The following GAA variants were observed in gnomAD, a reference collection of about 807,000 sequenced individuals.
GAA encodes alpha glucosidase.
Under a neutral mutation model 103.9 loss-of-function variants are expected in GAA, and 88 were observed. That is an observed-to-expected ratio of 0.85 (90% CI 0.71 to 1.01). The LOEUF (loss-of-function observed/expected upper bound fraction) is 1.01, where lower values mean the gene tolerates loss of function less well. GAA is among the 50% of genes least tolerant of loss of function. The pLI is 0.00. For missense variants in GAA, 1,350 were observed against 1,305.3 expected (o/e 1.03, Z -0.53); for synonymous variants, 572 against 563.1 (o/e 1.02, Z -0.22).
At chr17:80,118,078 G>C in intron 17 of GAA, 115 bp from the exon 18 acceptor site, 1 of 1,233,090 alleles carries the variant, frequency 8.1e-7, no homozygotes, top group South Asian at 1.4e-5. Context: ...AGGTGTTCCT[G>C]CAGATCCTAG....
In GAA at chr17:80,104,977, C is replaced by A. The variant is rs1224933249; in HGVS notation, c.391C>A (p.Pro131Thr). The stretch of plus-strand genomic sequence containing the variant: ...GGGGCAGCCCTGGTGCTTCTTCCCA[C>A]CCAGCTACCCCAGCTACAAGCTGGA... ...QMGQPWCFFP[P>T]SYPSYKLENL... is the part of the protein sequence containing the mutation. The change falls in exon 2 of 20, where the codon CCC (proline) becomes ACC (threonine). Residue 131 changes from proline to threonine, a missense_variant. Coordinates refer to ENST00000302262, the MANE Select transcript of GAA (RefSeq NM_000152.5). This position sits in a 1 kb window ranked among gnomAD's most constrained non-coding sequence, Gnocchi z 4.0. 2 of 1,612,714 alleles carry A rather than the reference C, an allele frequency of 1.2e-6. No homozygotes were observed. The highest frequency in any genetic ancestry group is 2.2e-5 in the South Asian group (2 of 91,048).
In GAA at chr17:80,111,966, G is replaced by GC. The variant is rs1277291394; in HGVS notation, c.1637-12dup. On this transcript the variant is annotated splice_polypyrimidine_tract_variant and intron_variant, in intron 11 of 19. Transcript: ENST00000302262. ...CCGGGAGGAAGCTCCCTGGAAACCA[G>GC]CCCCCGCCTCTTCCAGGGGTGGTTG... 1 of 1,606,098 alleles carries GC rather than the reference G, an allele frequency of 6.2e-7. No individual in the cohort carries two copies. Among genetic ancestry groups the GC allele is most frequent in the Admixed American group, 1.7e-5 (1 of 59,992 alleles).
intron 16 of GAA, 41 bp from the exon 17 acceptor site, chr17:80,117,559 T>TA (rs1412590344): frequency 3.1e-6 from 5 of 1,611,530 alleles, no homozygotes; most frequent in Non-Finnish European, 4.2e-6. Flanking sequence ...CATGGGGGCC[T>TA]CGGCACGGCC....
intron 12 of GAA, 131 bp from the exon 13 acceptor site, chr17:80,112,447 C>A: frequency 8.6e-7 from 1 of 1,165,442 alleles, no homozygotes; most frequent in Non-Finnish European, 1.2e-6. Context: ...TGGGCAGTAG[C>A]CTCGCCGTCC....
In GAA at chr17:80,104,651, C is replaced by T. The variant is rs773089240; in HGVS notation, c.65C>T (p.Ala22Val). 3.1e-6 allele frequency: 5 copies of T among 1,613,284 alleles called. No homozygotes were observed. The South Asian group carries it at 4.4e-5, about 14-fold the overall frequency. ...LLAVCALVSL[A>V]TAALLGHILL... Reference sequence around the variant, plus strand: ...GCCGTCTGCGCCCTCGTGTCCTTGGCAACCGCTGCACTCCTGGGGCACATC... The same window carrying T: ...GCCGTCTGCGCCCTCGTGTCCTTGGTAACCGCTGCACTCCTGGGGCACATC... The change falls in exon 2 of 20, where the codon GCA becomes GTA. Residue 22 changes from alanine to valine, a missense_variant. Physicochemically the swap from Ala to Val is moderately conservative, Grantham distance 64. Transcript: ENST00000302262. The surrounding 1 kb of genome is among the most constrained non-coding windows in gnomAD (Gnocchi z 4.0).
chr17:80,112,658 A>G lies in GAA; in HGVS notation c.1835A>G (p.His612Arg), dbSNP rs760546238. The G allele has an allele frequency of 6.2e-7, 1 of 1,612,658 alleles. No homozygotes were observed. Among genetic ancestry groups the G allele is most frequent in the South Asian group, 1.1e-5 (1 of 91,004 alleles). ...GCTGGCCACGGCCGATACGCCGGCCACTGGACGGGGGACGTGTGGAGCTCC... is the reference window on the plus strand; with the variant it reads ...GCTGGCCACGGCCGATACGCCGGCCGCTGGACGGGGGACGTGTGGAGCTCC... ...TFAGHGRYAG[H>R]WTGDVWSSWE... is the part of the protein sequence containing the mutation. The change falls in exon 13 of 20, where the codon CAC becomes CGC. Residue 612 changes from histidine to arginine, a missense_variant. Transcript: ENST00000302262.
At chr17:80,116,908 A>G (rs1458786946) in intron 15 of GAA, 60 bp from the exon 16 acceptor site, 1 of 1,601,490 alleles carries the variant, frequency 6.2e-7, no homozygotes, top group Non-Finnish European at 8.5e-7. Context: ...CAGGGTGGGC[A>G]TATGAGCCAG....
rs371405931 is a variant in GAA, at chr17:80,105,135, G to A, written c.546+3G>A. Reference sequence around the variant, plus strand: ...CTGAGAACCGCCTCCACTTCACGGTGGGCAGGGCAGGGGCGGGGGCGGCGG... The same window carrying A: ...CTGAGAACCGCCTCCACTTCACGGTAGGCAGGGCAGGGGCGGGGGCGGCGG... On this transcript the variant is annotated splice_donor_region_variant and intron_variant, in intron 2 of 19. Coordinates refer to ENST00000302262, the MANE Select transcript of GAA (RefSeq NM_000152.5). 233 of 1,602,434 alleles carry A rather than the reference G, an allele frequency of 1.5e-4. No individual in the cohort carries two copies. Among genetic ancestry groups the A allele is most frequent in the Non-Finnish European group, 1.8e-4 (217 of 1,176,540 alleles).
At chr17:80,112,174 C>T (rs569609292) in intron 12 of GAA, 74 bp downstream of exon 12, 1 of 1,445,250 alleles carries the variant, frequency 6.9e-7, no homozygotes, top group East Asian at 2.3e-5. Context: ...TCTGCAGGGC[C>T]TCAGGGAGGA....
chr17:80,102,826 G>T (rs1041516719), intron 1 of GAA: 1 of 152,242 alleles, frequency 6.6e-6, no homozygotes. Context: ...GACAACCTGG[G>T]ATTTGCCATT....
At chr17:80,117,993 G>A (rs532688859) in intron 17 of GAA, among the ~76,000 whole-genome samples, 200 bp from the exon 18 acceptor site, 6 of 152,304 alleles carry the variant, frequency 3.9e-5, no homozygotes, top group East Asian at 1.9e-4. Context: ...GCCCGGCCTC[G>A]GGCAGCCGTG....
chr17:80,111,952 C>T, intron 11 of GAA, 31 bp from the exon 12 acceptor site: 2 of 1,588,900 alleles, frequency 1.3e-6, no homozygotes, highest in Non-Finnish European at 1.7e-6. Context: ...CGGGAGGAAG[C>T]TCCCTGGAAA....
intron 15 of GAA, among the ~76,000 whole-genome samples, chr17:80,116,656 T>G (rs528873318): frequency 1.3e-5 from 2 of 152,232 alleles, no homozygotes; most frequent in African/African-American, 4.8e-5. Context: ...CTGCCTTGGT[T>G]ACCGGAGGAT....
At chr17:80,112,513 C>T in intron 12 of GAA, 65 bp from the exon 13 acceptor site, 1 of 1,598,412 alleles carries the variant, frequency 6.3e-7, no homozygotes, top group East Asian at 2.2e-5. Context: ...CTCTGCCCTG[C>T]TGGTGACAGG....
At position 80,104,795 on chromosome 17, in the gene GAA, C is replaced by A. The variant is rs775376321; in HGVS notation, c.209C>A (p.Ala70Glu). The change falls in exon 2 of 20, where the codon GCA becomes GAA. Residue 70 changes from alanine to glutamate, a missense_variant. By Grantham distance (107) the Ala-to-Glu change is moderately radical. Coordinates refer to ENST00000302262, the MANE Select transcript of GAA (RefSeq NM_000152.5). This position sits in a 1 kb window ranked among gnomAD's most constrained non-coding sequence, Gnocchi z 4.0. ...AGACCAGGGCCCCGGGATGCCCAGG[C>A]ACACCCCGGCCGTCCCAGAGCAGTG... is the stretch of plus-strand genomic sequence containing the variant. ...ASRPGPRDAQ[A>E]HPGRPRAVPT... The A allele has an allele frequency of 8.1e-6, 13 of 1,611,856 alleles. No individual in the cohort carries two copies. In the South Asian group the frequency reaches 1.3e-4, roughly 16 times the overall value.
intron 15 of GAA, among the ~76,000 whole-genome samples, chr17:80,114,963 C>T (rs1567837684): frequency 6.6e-6 from 1 of 152,212 alleles, no homozygotes; most frequent in Non-Finnish European, 1.5e-5. Context: ...AGCCCATGGC[C>T]TCCGTGGTTT....
Position 80,107,653 on chromosome 17 carries a change from C to T in GAA, c.789C>T (p.His263=), listed in dbSNP as rs1336545018. Residue 263 remains histidine (H), a synonymous_variant, in exon 4 of 20, where the codon CAC becomes CAT. Coordinates refer to ENST00000302262, the MANE Select transcript of GAA (RefSeq NM_000152.5). ...PSQYITGLAE[H]LSPLMLSTSW... ...AGTATATCACAGGCCTCGCCGAGCA[C>T]CTCAGTCCCCTGATGCTCAGCACCA... 9 of 1,613,134 alleles carry T rather than the reference C, an allele frequency of 5.6e-6. No individual in the cohort carries two copies. The highest frequency in any genetic ancestry group is 6.8e-6 in the Non-Finnish European group (8 of 1,179,910).
intron 8 of GAA, among the ~76,000 whole-genome samples, chr17:80,109,467 G>A (rs1225728942): frequency 6.6e-6 from 1 of 152,190 alleles, no homozygotes; most frequent in Non-Finnish European, 1.5e-5. Flanking sequence ...GAGGCAGGGC[G>A]AGCTGAAAAG....
Position 80,118,314 on chromosome 17 carries a change from T to C in GAA, c.2603T>C (p.Leu868Pro). The C allele has an allele frequency of 6.3e-7, 1 of 1,585,786 alleles. No homozygotes were observed. The highest frequency in any genetic ancestry group is 1.3e-5 in the African/African-American group (1 of 74,400). Residue 868 changes from leucine (L) to proline (P), a missense_variant, in exon 18 of 20, where the codon CTG becomes CCG. Physicochemically the swap from Leu to Pro is moderately conservative, Grantham distance 98 (BLOSUM62 -3). Coordinates refer to ENST00000302262, the MANE Select transcript of GAA (RefSeq NM_000152.5). Reference protein sequence around the residue: ...FWDDGESLEVLERGAYTQVIF... With the variant: ...FWDDGESLEVPERGAYTQVIF... Reference sequence around the variant, plus strand: ...GACGATGGAGAGAGCCTGGAAGTGCTGGAGCGAGGGGCCTACACACAGGTC... The same window carrying C: ...GACGATGGAGAGAGCCTGGAAGTGCCGGAGCGAGGGGCCTACACACAGGTC...
Sources: allele counts gnomAD v4.1 joint callset (sites outside exome capture counted in the v4.1 genomes callset), GRCh38; gene constraint gnomAD v4.1.1; non-coding constraint Gnocchi (gnomAD v3.1); transcripts MANE v1.5; gene names NCBI Gene and HGNC (gene_info 2026-07-23, HGNC 2026-07-21).